The following TANC2 variants were observed in gnomAD, a reference collection of about 807,000 sequenced individuals.
The protein encoded by TANC2 is protein TANC2.
In TANC2, 26 loss-of-function variants were observed where a neutral mutation model predicts 210.5. The ratio of observed to expected loss-of-function variants is 0.12; its 90% CI spans 0.09 to 0.17. The LOEUF is 0.17. TANC2 is among the 10% of genes least tolerant of loss of function. The probability of loss-of-function intolerance (pLI) is 1.00; values close to 1 mark genes in which losing one functional copy is unlikely to be tolerated. For synonymous variants in TANC2, 931 were observed against 967.1 expected (o/e 0.96, Z 0.69); for missense variants, 2,129 against 2,608.9 (o/e 0.82, Z 4.01).
chr17:63,208,991 T>C (rs1022492900), intron 7 of TANC2, among the ~76,000 whole-genome samples: 7 of 152,114 alleles, frequency 4.6e-5, no homozygotes, highest in African/African-American at 1.7e-4. Flanking sequence ...TATTGATTGA[T>C]TGATTTCTTC....
Position 63,268,114 on chromosome 17 carries a change from G to A in TANC2, c.1159+241G>A, listed in dbSNP as rs546082256. On this transcript the variant is annotated intron_variant, in intron 9 of 27. Transcript: ENST00000689528. ...CAACATTTGGAAGCATTAGTTCCTC[G>A]AAATTCTGAAAGAAAACAGATGTAA... 4.6e-5 allele frequency among the ~76,000 whole-genome samples: 7 copies of A among 152,124 alleles called. No individual in the cohort carries two copies. In the South Asian group the frequency reaches 1.4e-3, roughly 32 times the overall value.
intron 1 of TANC2, chr17:62,967,639 G>A (rs953842402): frequency 5.9e-5 from 9 of 152,268 alleles, no homozygotes; most frequent in East Asian, 5.8e-4. Context: ...AGTATTTTTC[G>A]TATGTGCCCT....
chr17:63,073,307 A>C (rs1275872235), intron 2 of TANC2, among the ~76,000 whole-genome samples: 1 of 152,108 alleles, frequency 6.6e-6, no homozygotes, highest in Non-Finnish European at 1.5e-5. Context: ...TATTTACAAT[A>C]AAGTAAAATT....
chr17:63,142,362 C>G (rs1518770), intron 4 of TANC2, among the ~76,000 whole-genome samples: 8,805 of 152,188 alleles, frequency 0.058, 385 homozygotes, highest in African/African-American at 0.12. Flanking sequence ...CCCATTTCAT[C>G]TAAGTTATCA....
At chr17:63,314,918 G>A (rs913721961) in intron 10 of TANC2, among the ~76,000 whole-genome samples, 1 of 152,102 alleles carries the variant, frequency 6.6e-6, no homozygotes, top group African/African-American at 2.4e-5. Flanking sequence ...CCTCCGTGCC[G>A]GCTGTGTGGT....
chr17:63,399,489 C>T (rs181685617), intron 19 of TANC2, among the ~76,000 whole-genome samples: 7 of 152,176 alleles, frequency 4.6e-5, no homozygotes, highest in Non-Finnish European at 1.0e-4. Flanking sequence ...CTGTATCGTT[C>T]GGTACAATGC....
At chr17:63,104,306 G>C (rs1252703856) in intron 4 of TANC2, among the ~76,000 whole-genome samples, 2 of 152,090 alleles carry the variant, frequency 1.3e-5, no homozygotes, top group African/African-American at 4.8e-5. Context: ...CCTCAGCATA[G>C]ATAGATGATT....
intron 2 of TANC2, 112 bp from the exon 3 acceptor site, chr17:63,073,831 A>G (rs1253723512): frequency 8.6e-6 from 8 of 930,100 alleles, no homozygotes; most frequent in Non-Finnish European, 1.3e-5. Flanking sequence ...TCCGGATTAT[A>G]GGAAATACAA....
intron 4 of TANC2, among the ~76,000 whole-genome samples, chr17:63,104,985 C>T (rs573406963): frequency 2.2e-4 from 33 of 151,662 alleles, no homozygotes; most frequent in African/African-American, 7.6e-4. Context: ...CGTAAGACAG[C>T]GTCTGGCATA....
chr17:63,417,682 GT>G (rs1440336373), intron 26 of TANC2, among the ~76,000 whole-genome samples: 1 of 152,144 alleles, frequency 6.6e-6, no homozygotes, highest in African/African-American at 2.4e-5. Context: ...TTTAAATACT[GT>G]ATCACACTTG....
At chr17:63,179,708 C>G (rs192970471) in intron 5 of TANC2, among the ~76,000 whole-genome samples, 51 of 152,188 alleles carry the variant, frequency 3.4e-4, no homozygotes, top group African/African-American at 1.2e-3. Context: ...TTCCCTGACT[C>G]TACTGTTCAA....
intron 19 of TANC2, among the ~76,000 whole-genome samples, chr17:63,401,900 C>G (rs2048355617): frequency 6.6e-6 from 1 of 152,184 alleles, no homozygotes; most frequent in Non-Finnish European, 1.5e-5. Context: ...CTGCCCTCAT[C>G]ATCATTTGCC....
chr17:63,013,837 C>T (rs1359559755), intron 2 of TANC2, among the ~76,000 whole-genome samples: 1 of 147,744 alleles, frequency 6.8e-6, no homozygotes, highest in Non-Finnish European at 1.5e-5. Flanking sequence ...TTTCTTGACT[C>T]TGCGGCATGA....
intron 5 of TANC2, among the ~76,000 whole-genome samples, chr17:63,162,647 G>T (rs889379320): frequency 6.6e-6 from 1 of 152,092 alleles, no homozygotes; most frequent in Non-Finnish European, 1.5e-5. Flanking sequence ...TAGAAAAAAG[G>T]TTATCTTATG....
chr17:63,168,668 C>A (rs369101060), intron 5 of TANC2, among the ~76,000 whole-genome samples: 30 of 152,292 alleles, frequency 2.0e-4, no homozygotes, highest in African/African-American at 7.2e-4. Context: ...AACCATTACC[C>A]CTAGCTATGT....
chr17:63,378,928 G>A (rs2047514889), intron 14 of TANC2, among the ~76,000 whole-genome samples: 2 of 151,126 alleles, frequency 1.3e-5, no homozygotes, highest in African/African-American at 2.4e-5. Flanking sequence ...ACCTCCAAAT[G>A]GGGAAGTACA....
At chr17:62,993,861 T>G (rs2032983502) in intron 1 of TANC2, among the ~76,000 whole-genome samples, 1 of 152,174 alleles carries the variant, frequency 6.6e-6, no homozygotes, top group Non-Finnish European at 1.5e-5. Context: ...CCCAGGAGTT[T>G]AAGGCATCAG....
At chr17:63,316,739 G>A (rs1208248333) in intron 10 of TANC2, among the ~76,000 whole-genome samples, 1 of 152,088 alleles carries the variant, frequency 6.6e-6, no homozygotes, top group Non-Finnish European at 1.5e-5. Flanking sequence ...ATTTATTGAT[G>A]GCCAAACTAT....
chr17:63,324,551 A>T (rs2045587673), intron 11 of TANC2, among the ~76,000 whole-genome samples: 1 of 152,228 alleles, frequency 6.6e-6, no homozygotes, highest in Admixed American at 6.5e-5. Flanking sequence ...TTTGTGTTGT[A>T]GTGATTATTT....
Sources: gnomAD v4.1 joint callset for allele counts (sites outside exome capture counted in the v4.1 genomes callset) on GRCh38, gnomAD v4.1.1 for gene constraint, MANE v1.5 for transcripts, NCBI Gene and HGNC (gene_info 2026-07-23, HGNC 2026-07-21) for gene names.